RNF180: variants seen among roughly 807,000 people sequenced by gnomAD.
The protein encoded by RNF180 is E3 ubiquitin-protein ligase RNF180.
Under a neutral mutation model 59.2 loss-of-function variants are expected in RNF180, and 38 were observed. That is an observed-to-expected ratio of 0.64 (90% CI 0.50 to 0.84). The LOEUF (loss-of-function observed/expected upper bound fraction) is 0.84, where lower values mean the gene tolerates loss of function less well. Ranked by LOEUF, RNF180 falls within the 40% of genes least tolerant of loss-of-function variation. The pLI is 0.00. For synonymous variants in RNF180, 262 were observed against 240.3 expected (o/e 1.09, Z -0.84); for missense variants, 705 against 700.9 (o/e 1.01, Z -0.07).
intron 7 of RNF180, among the ~76,000 whole-genome samples, chr5:64,367,978 AAAC>A (rs1158767764): frequency 6.6e-6 from 1 of 151,550 alleles, no homozygotes. Flanking sequence ...CAACCAAAAA[AAAC>A]AAGTTGCTAT....
At chr5:64,260,167 G>A (rs181607807) in intron 5 of RNF180, among the ~76,000 whole-genome samples, 28 of 152,080 alleles carry the variant, frequency 1.8e-4, no homozygotes, top group Admixed American at 1.1e-3. Context: ...TAGATATTTC[G>A]CCCAACAGAC....
chr5:64,361,629 G>C (rs1677302177), intron 7 of RNF180, among the ~76,000 whole-genome samples: 1 of 151,374 alleles, frequency 6.6e-6, no homozygotes, highest in Non-Finnish European at 1.5e-5. Flanking sequence ...TAGTTAAAAT[G>C]AACTATAGCA....
chr5:64,244,506 T>C (rs1743029611), intron 5 of RNF180, among the ~76,000 whole-genome samples: 1 of 151,912 alleles, frequency 6.6e-6, no homozygotes. Flanking sequence ...GAAGGTCAAC[T>C]TAATGAAATA....
chr5:64,338,361 G>T (rs917035167), intron 7 of RNF180, among the ~76,000 whole-genome samples: 7 of 152,256 alleles, frequency 4.6e-5, no homozygotes, highest in African/African-American at 7.2e-5. Context: ...TTGGCTGGGC[G>T]CAGTGGCTCA....
At chr5:64,268,655 G>T (rs577714020) in intron 5 of RNF180, among the ~76,000 whole-genome samples, 122 of 152,244 alleles carry the variant, frequency 8.0e-4, no homozygotes, top group African/African-American at 2.8e-3. Flanking sequence ...AGAACCATCT[G>T]ATTAATTCCA....
At chr5:64,270,479 T>C (rs1741335337) in intron 5 of RNF180, among the ~76,000 whole-genome samples, 1 of 152,162 alleles carries the variant, frequency 6.6e-6, no homozygotes, top group South Asian at 2.1e-4. Context: ...AATGTGCTCA[T>C]GGCCTTAAGC....
At chr5:64,291,762 TG>T (rs1016917805) in intron 5 of RNF180, among the ~76,000 whole-genome samples, 2 of 152,098 alleles carry the variant, frequency 1.3e-5, no homozygotes, top group African/African-American at 4.8e-5. Flanking sequence ...CCATTCTCCT[TG>T]TCTCTTTCAG....
intron 5 of RNF180, among the ~76,000 whole-genome samples, chr5:64,219,923 T>C (rs1752826022): frequency 6.6e-6 from 1 of 152,234 alleles, no homozygotes; most frequent in African/African-American, 2.4e-5. Context: ...GCAATTTCTT[T>C]AATAATTACA....
At chr5:64,185,958 G>A (rs972696570) in intron 1 of RNF180, among the ~76,000 whole-genome samples, 1 of 152,182 alleles carries the variant, frequency 6.6e-6, no homozygotes, top group African/African-American at 2.4e-5. Context: ...CTCTTTTGGG[G>A]AAGATGGTGG....
chr5:64,343,245 A>G (rs1745429343), intron 7 of RNF180, among the ~76,000 whole-genome samples: 1 of 152,146 alleles, frequency 6.6e-6, no homozygotes, highest in Non-Finnish European at 1.5e-5. Context: ...GAGAAAAAGA[A>G]TAGATAAAAA....
intron 5 of RNF180, among the ~76,000 whole-genome samples, chr5:64,243,041 A>G (rs914727076): frequency 6.6e-6 from 1 of 152,158 alleles, no homozygotes; most frequent in East Asian, 1.9e-4. Flanking sequence ...GACTTGAGGA[A>G]CAGTGCACTC....
At chr5:64,328,191 AC>A (rs1021880880) in intron 6 of RNF180, among the ~76,000 whole-genome samples, 3 of 152,032 alleles carry the variant, frequency 2.0e-5, no homozygotes, top group Non-Finnish European at 2.9e-5. Context: ...AAGAGTTAAT[AC>A]AATACCACTT....
At chr5:64,289,583 A>C (rs1187308684) in intron 5 of RNF180, among the ~76,000 whole-genome samples, 1 of 152,124 alleles carries the variant, frequency 6.6e-6, no homozygotes, top group Non-Finnish European at 1.5e-5. Flanking sequence ...TTATTGGTCT[A>C]TTCAGGGATT....
intron 7 of RNF180, among the ~76,000 whole-genome samples, chr5:64,353,132 T>G (rs1439637130): frequency 1.3e-5 from 2 of 151,800 alleles, no homozygotes; most frequent in Admixed American, 1.3e-4. Flanking sequence ...ACCAATGAAT[T>G]TAAGTTTTTA....
At chr5:64,302,992 A>C (rs1743237137) in intron 5 of RNF180, among the ~76,000 whole-genome samples, 1 of 151,604 alleles carries the variant, frequency 6.6e-6, no homozygotes, top group Admixed American at 6.6e-5. Context: ...CATCGGCATC[A>C]TTTTTCCAAT....
intron 7 of RNF180, among the ~76,000 whole-genome samples, chr5:64,332,620 G>A (rs1744955819): frequency 2.0e-5 from 3 of 152,192 alleles, no homozygotes; most frequent in Admixed American, 1.3e-4. Context: ...AAAATATAAG[G>A]AATGAAGGTA....
chr5:64,265,533 C>T (rs774415791), intron 5 of RNF180, among the ~76,000 whole-genome samples: 12 of 151,952 alleles, frequency 7.9e-5, no homozygotes, highest in Non-Finnish European at 1.3e-4. Context: ...GATCAGATGG[C>T]TGTAGATGTG....
intron 7 of RNF180, among the ~76,000 whole-genome samples, chr5:64,337,221 G>A (rs1745165353): frequency 6.6e-6 from 1 of 151,958 alleles, no homozygotes; most frequent in African/African-American, 2.4e-5. Flanking sequence ...TGTTGCCTAG[G>A]CTGGTCTTGA....
At chr5:64,307,321 T>C (rs1743524598) in intron 5 of RNF180, among the ~76,000 whole-genome samples, 1 of 151,552 alleles carries the variant, frequency 6.6e-6, no homozygotes, top group Non-Finnish European at 1.5e-5. Flanking sequence ...CACTTAAGAC[T>C]TGGTTAAACT....
Sources: allele counts gnomAD v4.1 joint callset (sites outside exome capture counted in the v4.1 genomes callset), GRCh38; gene constraint gnomAD v4.1.1; transcripts MANE v1.5; gene names NCBI Gene and HGNC (gene_info 2026-07-23, HGNC 2026-07-21).